CEP112: variants seen among roughly 807,000 people sequenced by gnomAD.
CEP112 encodes the protein centrosomal protein 112, also known as centrosomal protein of 112 kDa.
In CEP112, 127 loss-of-function variants were observed where a neutral mutation model predicts 153.0. The ratio of observed to expected loss-of-function variants is 0.83; its 90% CI spans 0.72 to 0.96. The LOEUF (loss-of-function observed/expected upper bound fraction) is 0.96, where lower values mean the gene tolerates loss of function less well. Among genes scored for constraint, CEP112 ranks in the 40% least tolerant of loss-of-function variants. The pLI, the probability that CEP112 is intolerant of heterozygous loss-of-function variation, is 0.00. For synonymous variants in CEP112, 358 were observed against 374.4 expected, an observed-to-expected ratio of 0.96 and a Z score of 0.51; for missense variants, 1,089 against 1,101.2, an observed-to-expected ratio of 0.99 and a Z score of 0.16.
chr17:66,075,227 G>C (rs886671584), intron 8 of CEP112, among the ~76,000 whole-genome samples: 1 of 152,096 alleles, frequency 6.6e-6, no homozygotes, highest in African/African-American at 2.4e-5. Flanking sequence ...GGTTTCATAA[G>C]GTATTTAGAA....
At chr17:65,961,691 A>G in intron 17 of CEP112, 93 bp from the exon 18 acceptor site, 1 of 1,199,048 alleles carries the variant, frequency 8.3e-7, no homozygotes, top group African/African-American at 1.5e-5. Flanking sequence ...AATAAAATCC[A>G]GATTTTAATT....
chr17:66,149,911 A>G, intron 4 of CEP112, among the ~76,000 whole-genome samples: 1 of 15,888 alleles, frequency 6.3e-5, no homozygotes, highest in Admixed American at 1.0e-3. Context: ...TTTTTTTTTG[A>G]GATGGAGTCT....
At chr17:65,702,826 A>G (rs145421830) in intron 23 of CEP112, among the ~76,000 whole-genome samples, 1 of 152,130 alleles carries the variant, frequency 6.6e-6, no homozygotes, top group Non-Finnish European at 1.5e-5. Flanking sequence ...CAGAATGTGT[A>G]AGGGAACTGC....
intron 5 of CEP112, among the ~76,000 whole-genome samples, chr17:66,131,239 T>G (rs1034551334): frequency 6.6e-6 from 1 of 152,204 alleles, no homozygotes; most frequent in African/African-American, 2.4e-5. Flanking sequence ...TCATTATCAC[T>G]TCTACTAGTG....
intron 1 of CEP112, among the ~76,000 whole-genome samples, chr17:66,185,939 C>G (rs893987864): frequency 6.6e-6 from 1 of 152,180 alleles, no homozygotes; most frequent in African/African-American, 2.4e-5. Flanking sequence ...TACCCTGTCT[C>G]TGTAAGTAAA....
intron 2 of CEP112, among the ~76,000 whole-genome samples, chr17:66,179,042 T>C (rs1442127324): frequency 6.6e-6 from 1 of 152,200 alleles, no homozygotes; most frequent in Non-Finnish European, 1.5e-5. Context: ...TTCTGCTCCA[T>C]AGGTCCATGT....
At chr17:65,640,154 A>ATATATATATATATTTT (rs1300751452) in intron 25 of CEP112, among the ~76,000 whole-genome samples, 26 of 78,340 alleles carry the variant, frequency 3.3e-4, no homozygotes, top group African/African-American at 1.8e-3. Flanking sequence ...ATATATATAT[A>ATATATATATATATTTT]TTTTTTTTTT....
chr17:65,826,296 A>T, intron 21 of CEP112: 2 of 1,614,058 alleles, frequency 1.2e-6, no homozygotes, highest in Non-Finnish European at 1.7e-6. Flanking sequence ...AGAGAAGCCC[A>T]CATCTTCGTT....
At chr17:65,648,182 G>A (rs578231643) in intron 24 of CEP112, among the ~76,000 whole-genome samples, 4 of 152,054 alleles carry the variant, frequency 2.6e-5, no homozygotes, top group East Asian at 1.9e-4. Context: ...GGATAATCAC[G>A]TGCTCTTCCA....
At chr17:66,174,222 C>G (rs2072371426) in intron 4 of CEP112, among the ~76,000 whole-genome samples, 1 of 152,204 alleles carries the variant, frequency 6.6e-6, no homozygotes, top group South Asian at 2.1e-4. Flanking sequence ...GCCACCATGC[C>G]CGGCCTGTTT....
intron 17 of CEP112, among the ~76,000 whole-genome samples, chr17:65,988,943 G>T (rs1295537159): frequency 6.6e-6 from 1 of 152,024 alleles, no homozygotes; most frequent in South Asian, 2.1e-4. Flanking sequence ...CACCAAACAG[G>T]GCCAGACGTG....
intron 21 of CEP112, chr17:65,797,356 G>C (rs2054996720): frequency 6.6e-6 from 1 of 152,190 alleles, no homozygotes; most frequent in South Asian, 2.1e-4. Context: ...GCATCTTCTA[G>C]TACCCAGTAC....
At chr17:65,736,839 C>T (rs1466527852) in intron 23 of CEP112, among the ~76,000 whole-genome samples, 1 of 152,132 alleles carries the variant, frequency 6.6e-6, no homozygotes. Flanking sequence ...TGTAATCTAC[C>T]ATTAACAGGA....
chr17:65,778,969 C>G (rs1329370081), intron 21 of CEP112, among the ~76,000 whole-genome samples: 1 of 151,574 alleles, frequency 6.6e-6, no homozygotes, highest in African/African-American at 2.4e-5. Flanking sequence ...CACTATACTT[C>G]ACCCTGGGTG....
chr17:65,814,669 C>A (rs1327606400), intron 21 of CEP112, among the ~76,000 whole-genome samples: 1 of 152,096 alleles, frequency 6.6e-6, no homozygotes, highest in East Asian at 1.9e-4. Flanking sequence ...CCCTGTCAAA[C>A]CCTCAGAGGA....
chr17:65,929,180 A>C (rs1166696313), intron 18 of CEP112, among the ~76,000 whole-genome samples: 4 of 152,252 alleles, frequency 2.6e-5, no homozygotes, highest in Non-Finnish European at 4.4e-5. Flanking sequence ...TTGTACACAT[A>C]CGAGTGAATT....
chr17:65,859,741 G>C (rs1187915525), intron 20 of CEP112, among the ~76,000 whole-genome samples: 1 of 150,932 alleles, frequency 6.6e-6, no homozygotes, highest in East Asian at 2.0e-4. Flanking sequence ...AGGTGCGGTG[G>C]CTCATGCCTG....
chr17:65,870,077 G>GAAAGAAAGAAAGAAAAGAAAGAA (rs1555689593), intron 20 of CEP112, among the ~76,000 whole-genome samples: 1 of 147,862 alleles, frequency 6.8e-6, no homozygotes, highest in Non-Finnish European at 1.5e-5. Context: ...AAGAAAGAAA[G>GAAAGAAAGAAAGAAAAGAAAGAA]AAAGAAAAGA....
At chr17:66,167,209 T>C (rs1338732215) in intron 4 of CEP112, among the ~76,000 whole-genome samples, 1 of 152,116 alleles carries the variant, frequency 6.6e-6, no homozygotes, top group Non-Finnish European at 1.5e-5. Context: ...TTTAAGATAA[T>C]ACCCTTTGGG....
Sources: gnomAD v4.1 joint callset for allele counts (sites outside exome capture counted in the v4.1 genomes callset) on GRCh38, gnomAD v4.1.1 for gene constraint, MANE v1.5 for transcripts, NCBI Gene and HGNC (gene_info 2026-07-23, HGNC 2026-07-21) for gene names.